The following ADCK1 variants were observed in gnomAD, a reference collection of about 807,000 sequenced individuals.
ADCK1 encodes aarF domain-containing protein kinase 1.
Under a neutral mutation model 52.3 loss-of-function variants are expected in ADCK1, and 41 were observed. The observed-to-expected ratio is 0.78, with a 90% CI of 0.61 to 1.02. The LOEUF (loss-of-function observed/expected upper bound fraction) is 1.02, where lower values mean the gene tolerates loss of function less well. Ranked by LOEUF, ADCK1 falls within the 50% of genes least tolerant of loss-of-function variation. The probability of loss-of-function intolerance (pLI) is 0.00; values close to 1 mark genes in which losing one functional copy is unlikely to be tolerated. For synonymous variants in ADCK1, 250 were observed against 274.6 expected (o/e 0.91, Z 0.89); for missense variants, 658 against 679.5 (o/e 0.97, Z 0.35).
chr14:77,857,417 TAC>T (rs1225506162), intron 3 of ADCK1, among the ~76,000 whole-genome samples: 1 of 152,158 alleles, frequency 6.6e-6, no homozygotes, highest in Non-Finnish European at 1.5e-5. Flanking sequence ...CTGAGTACAA[TAC>T]AGTTTTCTAA....
chr14:77,856,985 CCA>C (rs772657213), intron 3 of ADCK1, among the ~76,000 whole-genome samples: 1 of 143,774 alleles, frequency 7.0e-6, no homozygotes, highest in Admixed American at 7.0e-5. Flanking sequence ...CTGGGTGTCT[CCA>C]AAAAAAAAAA....
intron 2 of ADCK1, among the ~76,000 whole-genome samples, chr14:77,821,406 C>A (rs2081579183): frequency 6.6e-6 from 1 of 152,080 alleles, no homozygotes; most frequent in Admixed American, 6.6e-5. Context: ...TTGTAGAGTG[C>A]AAAGGAAGAA....
At chr14:77,931,467 C>A (rs2084331827) in intron 9 of ADCK1, 51 bp from the exon 10 acceptor site, 1 of 1,571,418 alleles carries the variant, frequency 6.4e-7, no homozygotes, top group East Asian at 2.3e-5. Flanking sequence ...CCACCCCTGG[C>A]CCCACTGCCC....
chr14:77,809,654 A>G (rs2081296914), intron 1 of ADCK1, among the ~76,000 whole-genome samples: 1 of 151,880 alleles, frequency 6.6e-6, no homozygotes, highest in East Asian at 1.9e-4. Flanking sequence ...ATTTGACGTT[A>G]TGCCAAATCC....
chr14:77,908,789 C>T (rs1046773330), intron 7 of ADCK1, among the ~76,000 whole-genome samples: 1 of 152,184 alleles, frequency 6.6e-6, no homozygotes, highest in Admixed American at 6.5e-5. Context: ...GAGTCAGACA[C>T]ACATCTAAAT....
At chr14:77,806,920 G>T (rs1234516731) in intron 1 of ADCK1, among the ~76,000 whole-genome samples, 3 of 151,898 alleles carry the variant, frequency 2.0e-5, no homozygotes, top group African/African-American at 7.3e-5. Flanking sequence ...TCACCATGTT[G>T]CCTGAGCTGG....
intron 7 of ADCK1, among the ~76,000 whole-genome samples, chr14:77,921,188 G>T (rs572121400): frequency 3.1e-4 from 47 of 150,730 alleles, no homozygotes; most frequent in Admixed American, 3.1e-3. Flanking sequence ...TTAGCCAGGC[G>T]TGGTGGCAGG....
At chr14:77,816,526 G>T (rs1451243599) in intron 1 of ADCK1, among the ~76,000 whole-genome samples, 1 of 152,186 alleles carries the variant, frequency 6.6e-6, no homozygotes, top group African/African-American at 2.4e-5. Context: ...ACCCAAGAGG[G>T]CTGATAGCTG....
intron 7 of ADCK1, chr14:77,914,343 A>G: frequency 1.1e-6 from 1 of 917,780 alleles, no homozygotes; most frequent in Non-Finnish European, 1.3e-6. Context: ...GTGAAGGAGT[A>G]GAGTCCGTGG....
At chr14:77,896,693 G>A (rs960930030) in intron 5 of ADCK1, among the ~76,000 whole-genome samples, 2 of 152,224 alleles carry the variant, frequency 1.3e-5, no homozygotes, top group African/African-American at 4.8e-5. Context: ...GCCAGGGCTT[G>A]AGGCATACAG....
intron 1 of ADCK1, among the ~76,000 whole-genome samples, chr14:77,811,470 A>G (rs2081337512): frequency 6.6e-6 from 1 of 151,690 alleles, no homozygotes; most frequent in South Asian, 2.1e-4. Context: ...GGCTGATTGG[A>G]CTCCAGAGTT....
chr14:77,876,959 A>G (rs996925066), intron 4 of ADCK1, among the ~76,000 whole-genome samples: 12 of 152,246 alleles, frequency 7.9e-5, no homozygotes, highest in Non-Finnish European at 1.5e-4. Context: ...TCACGCCTGT[A>G]ATCCCAGCAC....
At chr14:77,929,670 A>ATT (rs563350912) in intron 9 of ADCK1, among the ~76,000 whole-genome samples, 2 of 146,992 alleles carry the variant, frequency 1.4e-5, no homozygotes, top group Non-Finnish European at 3.0e-5. Context: ...AGTGAACAAA[A>ATT]TTTTTTTTTT....
chr14:77,867,250 G>C (rs941015139), intron 4 of ADCK1, among the ~76,000 whole-genome samples: 1 of 152,136 alleles, frequency 6.6e-6, no homozygotes, highest in Non-Finnish European at 1.5e-5. Context: ...ACCTTTGTTT[G>C]TTCAGGCATC....
chr14:77,930,272 A>G (rs1446973549), intron 9 of ADCK1, among the ~76,000 whole-genome samples: 1 of 152,188 alleles, frequency 6.6e-6, no homozygotes, highest in African/African-American at 2.4e-5. Flanking sequence ...CAAGTTTTGC[A>G]GTGACTCTGT....
Position 77,887,211 on chromosome 14 carries a change from G to T in ADCK1, c.544G>T (p.Val182Leu), listed in dbSNP as rs767728616. 1 of 1,605,840 alleles carries T rather than the reference G, an allele frequency of 6.2e-7. No individual in the cohort carries two copies. The highest frequency in any genetic ancestry group is 1.1e-5 in the South Asian group (1 of 89,840). ...TVAVKVQHPK[V>L]RAQSSKDILL... ...GGCCGTGAAGGTCCAGCACCCAAAG[G>T]TGCGGGCTCAGAGCTCGAAGGACAT... is the stretch of plus-strand genomic sequence containing the variant. Residue 182 changes from valine (V) to leucine (L), a missense_variant, in exon 5 of 11, where the codon GTG becomes TTG. Val to Leu is a conservative substitution (Grantham distance 32). Coordinates refer to ENST00000238561, the MANE Select transcript of ADCK1 (RefSeq NM_020421.4).
At chr14:77,922,412 C>G (rs2084083006) in intron 7 of ADCK1, among the ~76,000 whole-genome samples, 1 of 152,190 alleles carries the variant, frequency 6.6e-6, no homozygotes, top group African/African-American at 2.4e-5. Flanking sequence ...TGTCTTACAT[C>G]TCTTCACCTC....
intron 4 of ADCK1, among the ~76,000 whole-genome samples, chr14:77,861,594 G>A (rs966306405): frequency 1.3e-5 from 2 of 148,868 alleles, no homozygotes; most frequent in Admixed American, 6.6e-5. Flanking sequence ...GCTTAAAAGA[G>A]GCTGTCAGTT....
chr14:77,933,344 G>C lies in ADCK1; in HGVS notation c.1525G>C (p.Asp509His), dbSNP rs2084384263. 1 of 1,614,034 alleles carries C rather than the reference G, an allele frequency of 6.2e-7. No individual in the cohort carries two copies. The highest frequency in any genetic ancestry group is 8.5e-7 in the Non-Finnish European group (1 of 1,180,038). The change falls in exon 11 of 11, where the codon GAC becomes CAC. Residue 509 changes from aspartate (D) to histidine (H), a missense_variant. By Grantham distance (81) the Asp-to-His change is moderately conservative. Coordinates refer to ENST00000238561, the MANE Select transcript of ADCK1 (RefSeq NM_020421.4). The stretch of plus-strand genomic sequence containing the variant: ...GCGTGTGAAGGGGTTGAAGCTGGCT[G>C]ACCGGGTCTTGGCCCTAATATGCTG... ...ILRVKGLKLA[D>H]RVLALICWLF... is the part of the protein sequence containing the mutation.
Sources: allele counts gnomAD v4.1 joint callset (sites outside exome capture counted in the v4.1 genomes callset), GRCh38; gene constraint gnomAD v4.1.1; transcripts MANE v1.5; gene names NCBI Gene and HGNC (gene_info 2026-07-23, HGNC 2026-07-21).